The following TUBGCP5 variants were observed in gnomAD, a reference collection of about 807,000 sequenced individuals.
TUBGCP5 encodes tubulin gamma complex component 5.
In TUBGCP5, 98 loss-of-function variants were observed where a neutral mutation model predicts 134.7. That is an observed-to-expected ratio of 0.73 (90% CI 0.62 to 0.86). The LOEUF is 0.86. TUBGCP5 is among the 40% of genes least tolerant of loss of function. TUBGCP5 has a pLI of 0.00. For missense variants in TUBGCP5, 1,150 were observed against 1,244.8 expected, an observed-to-expected ratio of 0.92 and a Z score of 1.15; for synonymous variants, 456 against 431.4, an observed-to-expected ratio of 1.06 and a Z score of -0.71.
chr15:23,004,265 T>C, intron 19 of TUBGCP5, 38 bp from the exon 20 acceptor site: 1 of 1,600,208 alleles, frequency 6.2e-7, no homozygotes, highest in South Asian at 1.1e-5. Context: ...TCAGCAGCCT[T>C]CTTTGAGGAC....
At chr15:23,027,993 C>A (rs1258349562) in intron 6 of TUBGCP5, among the ~76,000 whole-genome samples, 1 of 151,998 alleles carries the variant, frequency 6.6e-6, no homozygotes, top group Non-Finnish European at 1.5e-5. Flanking sequence ...CTATCTTATA[C>A]AAGTTGTTTG....
chr15:22,997,195 T>G (rs2064127027), downstream of TUBGCP5, among the ~76,000 whole-genome samples: 1 of 152,072 alleles, frequency 6.6e-6, no homozygotes, highest in Non-Finnish European at 1.5e-5. Flanking sequence ...TTTTTTTCCT[T>G]TTGAGACGGA....
intron 21 of TUBGCP5, among the ~76,000 whole-genome samples, chr15:23,002,127 C>G (rs1480731320): frequency 1.3e-5 from 2 of 151,408 alleles, no homozygotes; most frequent in Middle Eastern, 3.4e-3. Flanking sequence ...TCTCCTCCAC[C>G]CCAAAGTGAG....
At position 23,032,943 on chromosome 15, in the gene TUBGCP5, C is replaced by T. The variant is rs145838068; in HGVS notation, c.310-119G>A. 4.8e-4 allele frequency: 299 copies of T among 628,676 alleles called. 1 individual carries two copies. The African/African-American group carries it at 5.1e-3, about 11-fold the overall frequency. 38.9% of individuals were successfully genotyped at this position (628,676 alleles called of 1,614,324 possible). A position where few individuals can be genotyped will look rare whatever the true frequency, so the allele number is the denominator to read the frequency against. On this transcript the variant is annotated intron_variant, in intron 3 of 22. Coordinates refer to ENST00000615383, the MANE Select transcript of TUBGCP5 (RefSeq NM_052903.6). ...CAATTTTTTTCCTGGTTTGAGAAAA[C>T]ATGAGTTATACCTAAATAATCCTTA...
chr15:22,992,438 C>T (rs1418796888), intron 23 of TUBGCP5, among the ~76,000 whole-genome samples: 1 of 152,100 alleles, frequency 6.6e-6, no homozygotes, highest in Non-Finnish European at 1.5e-5. Flanking sequence ...GCAGCAAGTC[C>T]ACGATTATCC....
chr15:22,997,934 A>C (rs2064171431), downstream of TUBGCP5, among the ~76,000 whole-genome samples: 1 of 151,490 alleles, frequency 6.6e-6, no homozygotes, highest in Non-Finnish European at 1.5e-5. Context: ...TTTTAAAGAT[A>C]GTCTCACTCT....
At chr15:23,033,824 T>G (rs1417003826) in intron 3 of TUBGCP5, among the ~76,000 whole-genome samples, 1 of 152,198 alleles carries the variant, frequency 6.6e-6, no homozygotes, top group Non-Finnish European at 1.5e-5. Flanking sequence ...GGTAGGCACT[T>G]TTCCATAAGC....
chr15:23,012,384 T>C (rs1330583565), intron 13 of TUBGCP5, among the ~76,000 whole-genome samples: 1 of 152,192 alleles, frequency 6.6e-6, no homozygotes, highest in Non-Finnish European at 1.5e-5. Flanking sequence ...CACATCTTTA[T>C]CTTCCAAGCC....
At chr15:23,001,379 G>A (rs8041093) in intron 21 of TUBGCP5, among the ~76,000 whole-genome samples, 13,298 of 149,444 alleles carry the variant, frequency 0.089, 1,039 homozygotes, top group East Asian at 0.46. Flanking sequence ...CGCTCTTGTT[G>A]CCCAGGCTGG....
intron 3 of TUBGCP5, among the ~76,000 whole-genome samples, chr15:23,035,812 A>G (rs2066557909): frequency 6.6e-6 from 1 of 152,176 alleles, no homozygotes; most frequent in South Asian, 2.1e-4. Flanking sequence ...GGGATAGTGA[A>G]GCAGACAAGA....
intron 23 of TUBGCP5, among the ~76,000 whole-genome samples, chr15:22,988,253 G>C (rs1942261928): frequency 6.6e-6 from 1 of 151,870 alleles, no homozygotes; most frequent in Non-Finnish European, 1.5e-5. Flanking sequence ...GAGACACTGA[G>C]AGCAGACCCA....
At chr15:23,037,217 G>A (rs1595917797) in intron 1 of TUBGCP5, 65 bp from the exon 2 acceptor site, 1 of 1,464,876 alleles carries the variant, frequency 6.8e-7, no homozygotes, top group Non-Finnish European at 9.5e-7. Context: ...CTCATCTCAT[G>A]GCCCTCCATA....
intron 13 of TUBGCP5, among the ~76,000 whole-genome samples, chr15:23,014,013 G>C (rs2065182741): frequency 6.6e-6 from 1 of 152,164 alleles, no homozygotes. Flanking sequence ...AGAAAAACCA[G>C]CCCCTGCCAC....
At chr15:23,025,983 G>A (rs1402753189) in intron 8 of TUBGCP5, 133 bp downstream of exon 8, 2 of 629,286 alleles carry the variant, frequency 3.2e-6, no homozygotes, top group Non-Finnish European at 5.4e-6. Context: ...GTCAAATCTG[G>A]TCCGAACTTC....
chr15:23,008,338 C>G (rs1030461255), intron 16 of TUBGCP5: 1 of 297,586 alleles, frequency 3.4e-6, no homozygotes, highest in Non-Finnish European at 6.4e-6. Context: ...ATGATCTTGG[C>G]TCACTGCAAC....
At chr15:23,008,994 AT>A in intron 15 of TUBGCP5, 113 bp from the exon 16 acceptor site, 1 of 768,606 alleles carries the variant, frequency 1.3e-6, no homozygotes, top group South Asian at 2.4e-5. Flanking sequence ...TACATTCTAC[AT>A]TTACTAAAAT....
At position 23,004,219 on chromosome 15, in the gene TUBGCP5, G is replaced by A. The variant is rs2064567908; in HGVS notation, c.2721C>T (p.His907=). The stretch of plus-strand genomic sequence containing the variant: ...GATGTTGAAACTCCAGCCCTGTACT[G>A]TGTAGAATCTTGGAAGAGAAAGATA... ...LHNYIMTRIL[H]STGLEFQHQV... is the part of the protein sequence containing the mutation. Residue 907 remains histidine (H), a synonymous_variant, in exon 20 of 23, where the codon CAC becomes CAT. Transcript: ENST00000615383. 1 of 1,606,648 alleles carries A rather than the reference G, an allele frequency of 6.2e-7. No homozygotes were observed. Among genetic ancestry groups the A allele is most frequent in the Non-Finnish European group, 8.5e-7 (1 of 1,178,174 alleles).
intron 3 of TUBGCP5, among the ~76,000 whole-genome samples, chr15:23,035,666 G>T (rs920540736): frequency 6.6e-6 from 1 of 152,100 alleles, no homozygotes; most frequent in Non-Finnish European, 1.5e-5. Flanking sequence ...TTCCTAGCAG[G>T]CACATATTGG....
chr15:23,006,568 A>G (rs1040201529), intron 16 of TUBGCP5, among the ~76,000 whole-genome samples: 1 of 152,176 alleles, frequency 6.6e-6, no homozygotes, highest in African/African-American at 2.4e-5. Context: ...CTTTTAAACA[A>G]TGAGTTTAGT....
Sources: allele counts gnomAD v4.1 joint callset (sites outside exome capture counted in the v4.1 genomes callset), GRCh38; gene constraint gnomAD v4.1.1; transcripts MANE v1.5; gene names NCBI Gene and HGNC (gene_info 2026-07-23, HGNC 2026-07-21).